Variants in LTB4R2 observed in about 807,000 individuals in gnomAD.
The protein encoded by LTB4R2 is leukotriene B4 receptor 2.
A neutral mutation model predicts 5.3 loss-of-function variants in LTB4R2; 6 were observed. That is an observed-to-expected ratio of 1.14 (90% CI 0.62 to 2.24). LTB4R2 has a LOEUF of 2.24. LTB4R2 is among the 30% of genes most tolerant of loss of function. The probability of loss-of-function intolerance (pLI) is 0.00; values close to 1 mark genes in which losing one functional copy is unlikely to be tolerated. For missense variants in LTB4R2, 560 were observed against 521.5 expected (o/e 1.07, Z -0.72); for synonymous variants, 310 against 264.2 (o/e 1.17, Z -1.68).
At position 24,311,448 on chromosome 14, in the gene LTB4R2, C is replaced by G. The variant is rs1414664051; in HGVS notation, c.784C>G (p.Leu262Val). Residue 262 changes from leucine (L) to valine (V), a missense_variant, in exon 2 of 2, where the codon CTG becomes GTG. Coordinates refer to ENST00000533293, the MANE Select transcript of LTB4R2 (RefSeq NM_019839.5). ...TCCACCGGAAGGGGCCTTGGCGAAGCTGGGCGGAGCCGGCCAGGCGGCGCG... is the reference window on the plus strand; with the variant it reads ...TCCACCGGAAGGGGCCTTGGCGAAGGTGGGCGGAGCCGGCCAGGCGGCGCG... Reference protein sequence around the residue: ...LAPPEGALAKLGGAGQAARAG... With the variant: ...LAPPEGALAKVGGAGQAARAG... 6.2e-7 allele frequency: 1 copy of G among 1,601,134 alleles called. No individual in the cohort carries two copies. The highest frequency in any genetic ancestry group is 1.3e-5 in the African/African-American group (1 of 74,946).
chr14:24,310,237 C>T lies in LTB4R2; in HGVS notation c.-29C>T, dbSNP rs1020012969. The T allele has an allele frequency of 6.2e-6, 3 of 483,446 alleles. No individual in the cohort carries two copies. Among genetic ancestry groups the T allele is most frequent in the African/African-American group, 2.0e-5 (1 of 51,098 alleles). The allele number at this position is 483,446 out of a possible 1,614,324, so 29.9% of individuals were successfully genotyped here. On this transcript the variant is annotated 5_prime_UTR_variant, in exon 1 of 2. Transcript: ENST00000533293. ...CTTTCAGCTTCTCCAGGCCCCCAATCCTGCTTGCTCCCAGCTTGGTAAGTA... is the reference window on the plus strand; with the variant it reads ...CTTTCAGCTTCTCCAGGCCCCCAATTCTGCTTGCTCCCAGCTTGGTAAGTA...
chr14:24,311,234 C>A lies in LTB4R2; in HGVS notation c.570C>A (p.Phe190Leu). 6.2e-7 allele frequency: 1 copy of A among 1,608,836 alleles called. No homozygotes were observed. ...AHLSLETLTA[F>L]VLPFGLMLGC... Reference sequence around the variant, plus strand: ...TGAGCCTGGAGACTCTGACCGCTTTCGTGCTTCCTTTCGGGCTGATGCTCG... The same window carrying A: ...TGAGCCTGGAGACTCTGACCGCTTTAGTGCTTCCTTTCGGGCTGATGCTCG... Residue 190 changes from phenylalanine to leucine, a missense_variant, in exon 2 of 2, where the codon TTC becomes TTA. Physicochemically the swap from Phe to Leu is conservative, Grantham distance 22. Coordinates refer to ENST00000533293, the MANE Select transcript of LTB4R2 (RefSeq NM_019839.5).
rs753878493 is a variant in LTB4R2 at position 24,311,486 on chromosome 14, G to C, written c.822G>C (p.Thr274=). 3 of 1,601,632 alleles carry C rather than the reference G, an allele frequency of 1.9e-6. No individual in the cohort carries two copies. Among genetic ancestry groups the C allele is most frequent in the African/African-American group, 2.7e-5 (2 of 75,080 alleles). Reference sequence around the variant, plus strand: ...GCCAGGCGGCGCGAGCGGGAACTACGGCCTTGGCCTTCTTCAGTTCTAGCG... The same window carrying C: ...GCCAGGCGGCGCGAGCGGGAACTACCGCCTTGGCCTTCTTCAGTTCTAGCG... The part of the protein sequence containing the change: ...GAGQAARAGT[T]ALAFFSSSVN... The change falls in exon 2 of 2, where the codon ACG becomes ACC. Residue 274 remains threonine, a synonymous_variant. Coordinates refer to ENST00000533293, the MANE Select transcript of LTB4R2 (RefSeq NM_019839.5).
rs745317571 is a variant in LTB4R2 at position 24,311,926 on chromosome 14, G to C, written c.*185G>C. The C allele has an allele frequency of 3.1e-5, 19 of 613,446 alleles. No homozygotes were observed. Among genetic ancestry groups the C allele is most frequent in the African/African-American group, 9.3e-5 (5 of 54,048 alleles). 38.0% of individuals were successfully genotyped at this position (613,446 alleles called of 1,614,324 possible). ...CAAACTGAGGGATTATGAGGGTGGT[G>C]ATGGTCCCTGTTAAGGACTATTGTG... On this transcript the variant is annotated 3_prime_UTR_variant, in exon 2 of 2. Transcript: ENST00000533293.
At position 24,311,696 on chromosome 14, in the gene LTB4R2, C is replaced by G. The variant is rs1429914287; in HGVS notation, c.1032C>G (p.Asp344Glu). The change falls in exon 2 of 2, where the codon GAC (aspartate) becomes GAG (glutamate). Residue 344 changes from aspartate to glutamate, a missense_variant. Physicochemically the swap from Asp to Glu is conservative, Grantham distance 45. Coordinates refer to ENST00000533293, the MANE Select transcript of LTB4R2 (RefSeq NM_019839.5). ...KVVGQGRGNG[D>E]PGGGMEKDGP... ...TGGGGCAGGGCCGCGGCAATGGAGA[C>G]CCGGGGGGTGGGATGGAGAAGGACG... The G allele has an allele frequency of 3.7e-6, 6 of 1,606,534 alleles. No individual in the cohort carries two copies. The African/African-American group carries it at 6.7e-5, about 18-fold the overall frequency.
In LTB4R2 at chr14:24,311,750, C is replaced by T; in HGVS notation, c.*9C>T. On this transcript the variant is annotated 3_prime_UTR_variant, in exon 2 of 2. Transcript: ENST00000533293. Reference sequence around the variant, plus strand: ...CGGAATGGGACCTTTGACAGCAGACCCTACAACCTGCTGCCCTTCCCTGTC... The same window carrying T: ...CGGAATGGGACCTTTGACAGCAGACTCTACAACCTGCTGCCCTTCCCTGTC... 6.4e-7 allele frequency: 1 copy of T among 1,551,286 alleles called. No individual in the cohort carries two copies. Among genetic ancestry groups the T allele is most frequent in the Non-Finnish European group, 8.7e-7 (1 of 1,145,000 alleles).
rs748871464 is a variant in LTB4R2, at chr14:24,310,660, GA to G, written c.-3del. ...CGCCTTCCACCCACCTGTAGGCCCA[GA>G]AGGATGTCGGTCTGCTACCGTCCCC... On this transcript the variant is annotated 5_prime_UTR_variant, in exon 2 of 2. Coordinates refer to ENST00000533293, the MANE Select transcript of LTB4R2 (RefSeq NM_019839.5). 1 of 1,614,054 alleles carries G rather than the reference GA, an allele frequency of 6.2e-7. No individual in the cohort carries two copies. Among genetic ancestry groups the G allele is most frequent in the African/African-American group, 1.3e-5 (1 of 74,944 alleles).
Position 24,311,209 on chromosome 14 carries a change from T to C in LTB4R2, c.545T>C (p.Leu182Pro). ...HPSPVHAAAH[L>P]SLETLTAFVL... ...TCGCCGGTCCACGCCGCCGCCCACC[T>C]GAGCCTGGAGACTCTGACCGCTTTC... Residue 182 changes from leucine to proline, a missense_variant, in exon 2 of 2, where the codon CTG becomes CCG. Leu to Pro is a moderately conservative substitution (Grantham distance 98). Coordinates refer to ENST00000533293, the MANE Select transcript of LTB4R2 (RefSeq NM_019839.5). The C allele has an allele frequency of 6.2e-7, 1 of 1,608,976 alleles. No homozygotes were observed. The highest frequency in any genetic ancestry group is 2.2e-5 in the East Asian group (1 of 44,664).
At chr14:24,310,534 C>A in intron 1 of LTB4R2, 121 bp from the exon 2 acceptor site, 6 of 1,008,258 alleles carry the variant, frequency 6.0e-6, no homozygotes, top group Middle Eastern at 2.0e-4. Context: ...GACTCCCAGG[C>A]AGAAAAGAGG....
Position 24,311,698 on chromosome 14 carries a change from C to A in LTB4R2, c.1034C>A (p.Pro345Gln). The A allele has an allele frequency of 1.9e-6, 3 of 1,605,826 alleles. No homozygotes were observed. Among genetic ancestry groups the A allele is most frequent in the South Asian group, 2.2e-5 (2 of 90,754 alleles). Residue 345 changes from proline to glutamine, a missense_variant, in exon 2 of 2, where the codon CCG becomes CAG. By Grantham distance (76) the Pro-to-Gln change is moderately conservative. Coordinates refer to ENST00000533293, the MANE Select transcript of LTB4R2 (RefSeq NM_019839.5). ...GGGCAGGGCCGCGGCAATGGAGACCCGGGGGGTGGGATGGAGAAGGACGGT... is the reference window on the plus strand; with the variant it reads ...GGGCAGGGCCGCGGCAATGGAGACCAGGGGGGTGGGATGGAGAAGGACGGT... ...VVGQGRGNGD[P>Q]GGGMEKDGPE...
In LTB4R2 at chr14:24,310,714, A is replaced by G. The variant is rs1490506324; in HGVS notation, c.50A>G (p.Lys17Arg). ...PPGNETLLSW[K>R]TSRATGTAFL... ...GGGAACGAGACACTGCTGAGCTGGAAGACTTCGCGGGCCACAGGCACAGCC... is the reference window on the plus strand; with the variant it reads ...GGGAACGAGACACTGCTGAGCTGGAGGACTTCGCGGGCCACAGGCACAGCC... Residue 17 changes from lysine to arginine, a missense_variant, in exon 2 of 2, where the codon AAG becomes AGG. Coordinates refer to ENST00000533293, the MANE Select transcript of LTB4R2 (RefSeq NM_019839.5). 3 of 1,612,844 alleles carry G rather than the reference A, an allele frequency of 1.9e-6. No individual in the cohort carries two copies.
In LTB4R2 at chr14:24,311,917, G is replaced by A. The variant is rs1414013458; in HGVS notation, c.*176G>A. 1 of 630,850 alleles carries A rather than the reference G, an allele frequency of 1.6e-6. No individual in the cohort carries two copies. The highest frequency in any genetic ancestry group is 2.8e-6 in the Non-Finnish European group (1 of 361,558). 39.1% of individuals were successfully genotyped at this position (630,850 alleles called of 1,614,324 possible). ...AGGCTCCTCCAAACTGAGGGATTAT[G>A]AGGGTGGTGATGGTCCCTGTTAAGG... On this transcript the variant is annotated 3_prime_UTR_variant, in exon 2 of 2. Coordinates refer to ENST00000533293, the MANE Select transcript of LTB4R2 (RefSeq NM_019839.5).
At position 24,310,784 on chromosome 14, in the gene LTB4R2, C is replaced by G. The variant is rs776378564; in HGVS notation, c.120C>G (p.Phe40Leu). Residue 40 changes from phenylalanine (F) to leucine (L), a missense_variant, in exon 2 of 2, where the codon TTC (phenylalanine) becomes TTG (leucine). By Grantham distance (22) the Phe-to-Leu change is conservative. Transcript: ENST00000533293. ...AALLGLPGNG[F>L]VVWSLAGWRP... is the part of the protein sequence containing the mutation. ...TGCTGGGGCTGCCTGGCAACGGCTT[C>G]GTGGTGTGGAGCTTGGCGGGCTGGC... 3 of 1,607,036 alleles carry G rather than the reference C, an allele frequency of 1.9e-6. No individual in the cohort carries two copies. The highest frequency in any genetic ancestry group is 2.5e-6 in the Non-Finnish European group (3 of 1,179,212).
intron 1 of LTB4R2, 85 bp downstream of exon 1, chr14:24,310,340 G>A: frequency 1.7e-6 from 1 of 599,816 alleles, no homozygotes; most frequent in East Asian, 2.8e-5. Flanking sequence ...AAAGAAGGAG[G>A]GGCCAGACTA....
In LTB4R2 at chr14:24,310,202, G is replaced by A; in HGVS notation, c.-64G>A. On this transcript the variant is annotated 5_prime_UTR_variant, in exon 1 of 2. Transcript: ENST00000533293. ...GACAGGAGTAGGCACCTCGCCTACT[G>A]CTGCTTAACCTTTCAGCTTCTCCAG... is the stretch of plus-strand genomic sequence containing the variant. The A allele has an allele frequency of 2.5e-6, 1 of 401,630 alleles. No homozygotes were observed. Among genetic ancestry groups the A allele is most frequent in the East Asian group, 5.2e-5 (1 of 19,196 alleles). The allele number at this position is 401,630 out of a possible 1,614,324, so 24.9% of individuals were successfully genotyped here. A position where few individuals can be genotyped will look rare whatever the true frequency, so the allele number is the denominator to read the frequency against.
rs1212715288 is a variant in LTB4R2, at chr14:24,310,273, C to T, written c.-11+18C>T. 1.8e-5 allele frequency: 10 copies of T among 561,624 alleles called. No homozygotes were observed. The highest frequency in any genetic ancestry group is 6.0e-5 in the East Asian group (2 of 33,160). 34.8% of individuals were successfully genotyped at this position (561,624 alleles called of 1,614,324 possible). Reference sequence around the variant, plus strand: ...CCAGCTTGGTAAGTAGATCTGTGCACGTCCCTTTACACCCCACCATCCAGT... The same window carrying T: ...CCAGCTTGGTAAGTAGATCTGTGCATGTCCCTTTACACCCCACCATCCAGT... On this transcript the variant is annotated intron_variant, in intron 1 of 1. Coordinates refer to ENST00000533293, the MANE Select transcript of LTB4R2 (RefSeq NM_019839.5).
intron 1 of LTB4R2, 113 bp downstream of exon 1, chr14:24,310,368 A>G: frequency 1.6e-6 from 1 of 609,328 alleles, no homozygotes; most frequent in Non-Finnish European, 2.9e-6. Flanking sequence ...GGTGGTAGAG[A>G]TAGTGACAGC....
Position 24,311,019 on chromosome 14 carries a change from C to A in LTB4R2, c.355C>A (p.Arg119Ser). 1 of 1,584,516 alleles carries A rather than the reference C, an allele frequency of 6.3e-7. No individual in the cohort carries two copies. Among genetic ancestry groups the A allele is most frequent in the Non-Finnish European group, 8.5e-7 (1 of 1,174,410 alleles). ...VLLTGLLSLQ[R>S]CLAVTRPFLA... Reference sequence around the variant, plus strand: ...GCTCACCGGCCTGCTCAGCCTGCAGCGCTGCCTCGCAGTCACCCGCCCCTT... The same window carrying A: ...GCTCACCGGCCTGCTCAGCCTGCAGAGCTGCCTCGCAGTCACCCGCCCCTT... Residue 119 changes from arginine (R) to serine (S), a missense_variant, in exon 2 of 2, where the codon CGC (arginine) becomes AGC (serine). Transcript: ENST00000533293.
In LTB4R2 at chr14:24,311,308, C is replaced by G; in HGVS notation, c.644C>G (p.Ser215Cys). 1 of 1,593,878 alleles carries G rather than the reference C, an allele frequency of 6.3e-7. No individual in the cohort carries two copies. The highest frequency in any genetic ancestry group is 1.3e-5 in the African/African-American group (1 of 74,556). The change falls in exon 2 of 2, where the codon TCC becomes TGC. Residue 215 changes from serine (S) to cysteine (C), a missense_variant. Coordinates refer to ENST00000533293, the MANE Select transcript of LTB4R2 (RefSeq NM_019839.5). ...LARLRGARWG[S>C]GRHGARVGRL... Reference sequence around the variant, plus strand: ...CGGCTGCGGGGCGCCCGCTGGGGCTCCGGGCGGCACGGGGCGCGGGTGGGC... The same window carrying G: ...CGGCTGCGGGGCGCCCGCTGGGGCTGCGGGCGGCACGGGGCGCGGGTGGGC...
Sources: allele counts gnomAD v4.1 joint callset, GRCh38; gene constraint gnomAD v4.1.1; transcripts MANE v1.5; gene names NCBI Gene and HGNC (gene_info 2026-07-23, HGNC 2026-07-21).